The following LPAR1 variants were observed in gnomAD, a reference collection of about 807,000 sequenced individuals.
LPAR1 encodes the protein LPA receptor 1.
In LPAR1, 5 loss-of-function variants were observed where a neutral mutation model predicts 23.8. The ratio of observed to expected loss-of-function variants is 0.21; its 90% confidence interval spans 0.11 to 0.44. LPAR1 has a LOEUF of 0.44. Among genes scored for constraint, LPAR1 ranks in the 20% least tolerant of loss-of-function variants. LPAR1 has a pLI of 0.99. For synonymous variants in LPAR1, 160 were observed against 164.7 expected, an observed-to-expected ratio of 0.97 and a Z score of 0.22; for missense variants, 311 against 482.8, an observed-to-expected ratio of 0.64 and a Z score of 3.33.
intron 4 of LPAR1, among the ~76,000 whole-genome samples, chr9:110,957,804 T>C (rs1194374235): frequency 2.0e-5 from 3 of 152,156 alleles, no homozygotes; most frequent in Non-Finnish European, 4.4e-5. Context: ...TGCCCCCCTT[T>C]GCAGATGACA....
intron 2 of LPAR1, among the ~76,000 whole-genome samples, chr9:111,013,329 C>T (rs2097370532): frequency 6.6e-6 from 1 of 152,154 alleles, no homozygotes; most frequent in African/African-American, 2.4e-5. Context: ...AGAGGTTAAA[C>T]ACCAAACCCA....
chr9:111,029,746 T>G (rs1564386098), intron 2 of LPAR1, among the ~76,000 whole-genome samples: 1 of 151,994 alleles, frequency 6.6e-6, no homozygotes, highest in South Asian at 2.1e-4. Context: ...TTTCTTAATT[T>G]TTTTTTAATT....
intron 4 of LPAR1, among the ~76,000 whole-genome samples, chr9:110,971,681 G>T (rs2096424537): frequency 2.0e-5 from 3 of 152,036 alleles, no homozygotes; most frequent in Admixed American, 2.0e-4. Flanking sequence ...CAGAAAACTT[G>T]TTATAAAATT....
chr9:110,963,360 A>G (rs1408943629), intron 4 of LPAR1, among the ~76,000 whole-genome samples: 3 of 152,228 alleles, frequency 2.0e-5, no homozygotes, highest in Admixed American at 6.5e-5. Flanking sequence ...TAATAGAAAC[A>G]TGGTTCAAGA....
At chr9:110,957,372 G>T in intron 4 of LPAR1, among the ~76,000 whole-genome samples, 1 of 148,180 alleles carries the variant, frequency 6.7e-6, no homozygotes. Context: ...TAATAATAAT[G>T]CACCATGCAC....
chr9:110,930,255 G>A (rs1032916869), intron 5 of LPAR1, among the ~76,000 whole-genome samples: 6 of 152,084 alleles, frequency 3.9e-5, no homozygotes, highest in Non-Finnish European at 8.8e-5. Flanking sequence ...GGTGGCTCAC[G>A]CCTGTAATCC....
rs540508997 is a variant in LPAR1 at position 110,954,501 on chromosome 9, G to T, written c.46-12333C>A. On this transcript the variant is annotated intron_variant, in intron 4 of 5. Transcript: ENST00000683809. ...CCCCAAACAGATACAACCCAAAAAG[G>T]TCTTCTCCAGCACATAATAATCAAA... Among the ~76,000 whole-genome samples, 407 of 121,426 alleles carry T rather than the reference G, an allele frequency of 3.4e-3. 2 individuals are homozygous for T. Among genetic ancestry groups the T allele is most frequent in the African/African-American group, 0.012 (374 of 32,362 alleles). 79.7% of individuals were successfully genotyped at this position (121,426 alleles called of 152,430 possible). A position where few individuals can be genotyped will look rare whatever the true frequency, so the allele number is the denominator to read the frequency against.
intron 2 of LPAR1, among the ~76,000 whole-genome samples, chr9:111,025,912 G>A (rs1253351985): frequency 6.6e-6 from 1 of 152,160 alleles, no homozygotes; most frequent in East Asian, 1.9e-4. Context: ...CTTTATATCT[G>A]TTTTGGTACC....
chr9:110,981,218 A>G (rs893978777), intron 2 of LPAR1, among the ~76,000 whole-genome samples: 2 of 152,078 alleles, frequency 1.3e-5, no homozygotes, highest in African/African-American at 4.8e-5. Context: ...AAGCACATAC[A>G]TTTCTTTTTT....
intron 4 of LPAR1, among the ~76,000 whole-genome samples, chr9:110,963,591 T>A (rs1347383853): frequency 6.6e-6 from 1 of 152,104 alleles, no homozygotes; most frequent in Non-Finnish European, 1.5e-5. Context: ...AACACCAACA[T>A]GGCACATGTA....
chr9:110,984,896 C>T (rs567657396), intron 2 of LPAR1, among the ~76,000 whole-genome samples: 1 of 151,844 alleles, frequency 6.6e-6, no homozygotes, highest in African/African-American at 2.4e-5. Flanking sequence ...ACATTCTTCA[C>T]CTTTTGAGAA....
At chr9:110,986,306 A>G (rs2096779886) in intron 2 of LPAR1, among the ~76,000 whole-genome samples, 1 of 152,170 alleles carries the variant, frequency 6.6e-6, no homozygotes, top group Non-Finnish European at 1.5e-5. Flanking sequence ...AACAAGGACA[A>G]TTACAACCTC....
intron 4 of LPAR1, among the ~76,000 whole-genome samples, chr9:110,965,101 C>A (rs1758540823): frequency 6.6e-6 from 1 of 152,082 alleles, no homozygotes; most frequent in Admixed American, 6.5e-5. Flanking sequence ...AAACTTCTGA[C>A]AGGTGATCCA....
intron 5 of LPAR1, among the ~76,000 whole-genome samples, chr9:110,932,093 C>T (rs985497320): frequency 2.6e-5 from 4 of 152,124 alleles, no homozygotes; most frequent in African/African-American, 4.8e-5. Flanking sequence ...GGCAAATATC[C>T]CTTTGAATGA....
At chr9:110,967,511 C>A (rs185541607) in intron 4 of LPAR1, among the ~76,000 whole-genome samples, 2 of 152,096 alleles carry the variant, frequency 1.3e-5, no homozygotes, top group Non-Finnish European at 2.9e-5. Context: ...AAAAGTTTTT[C>A]TAAAAAATTG....
At chr9:111,007,087 C>T (rs1371626019) in intron 2 of LPAR1, among the ~76,000 whole-genome samples, 1 of 152,090 alleles carries the variant, frequency 6.6e-6, no homozygotes, top group East Asian at 1.9e-4. Context: ...TGCTTGTTTG[C>T]TCCTGTTTTC....
chr9:110,878,869 A>C (rs1197594548), intron 5 of LPAR1, among the ~76,000 whole-genome samples: 1 of 152,182 alleles, frequency 6.6e-6, no homozygotes, highest in Non-Finnish European at 1.5e-5. Flanking sequence ...TACTATCCTG[A>C]TTATAAAGAG....
chr9:110,911,723 A>G (rs2092457346), intron 5 of LPAR1, among the ~76,000 whole-genome samples: 1 of 152,232 alleles, frequency 6.6e-6, no homozygotes, highest in Non-Finnish European at 1.5e-5. Context: ...AAGACATACT[A>G]CTATTGCACA....
intron 4 of LPAR1, among the ~76,000 whole-genome samples, chr9:110,957,798 C>A (rs2095814379): frequency 6.6e-6 from 1 of 151,988 alleles, no homozygotes. Context: ...GCAAATTGCC[C>A]CCCTTTGCAG....
Sources: gnomAD v4.1 joint callset for allele counts (sites outside exome capture counted in the v4.1 genomes callset) on GRCh38, gnomAD v4.1.1 for gene constraint, MANE v1.5 for transcripts, NCBI Gene and HGNC (gene_info 2026-07-23, HGNC 2026-07-21) for gene names.